NDUFA9: variants seen among roughly 807,000 people sequenced by gnomAD.
NDUFA9 encodes the protein NADH dehydrogenase [ubiquinone] 1 alpha subcomplex subunit 9, mitochondrial.
A neutral mutation model predicts 45.9 loss-of-function variants in NDUFA9; 23 were observed. That is an observed-to-expected ratio of 0.50 (90% CI 0.36 to 0.71). The LOEUF (loss-of-function observed/expected upper bound fraction) is 0.71, where lower values mean the gene tolerates loss of function less well. Among genes scored for constraint, NDUFA9 ranks in the 30% least tolerant of loss-of-function variants. The pLI is 0.00. For missense variants in NDUFA9, 466 were observed against 488.2 expected (o/e 0.95, Z 0.43); for synonymous variants, 176 against 170.5 (o/e 1.03, Z -0.25).
chr12:4,655,361 GC>G (rs34067320), intron 3 of NDUFA9: 2 of 155,568 alleles, frequency 1.3e-5, no homozygotes, highest in East Asian at 3.8e-4. Flanking sequence ...GTAGCCACTG[GC>G]CACATGTGGC....
intron 1 of NDUFA9, among the ~76,000 whole-genome samples, chr12:4,653,980 T>C (rs1945774388): frequency 6.6e-6 from 1 of 152,218 alleles, no homozygotes. Flanking sequence ...GCTCATTTAT[T>C]ACATATTCTC....
chr12:4,680,696 TGC>T (rs1945947361), intron 8 of NDUFA9, among the ~76,000 whole-genome samples: 1 of 152,200 alleles, frequency 6.6e-6, no homozygotes, highest in Non-Finnish European at 1.5e-5. Context: ...TGAAGAACCC[TGC>T]TAAGGCCTTT....
In NDUFA9 at chr12:4,691,936, G is replaced by A. The variant is rs528174116; in HGVS notation, c.*4828G>A. ...TGGAGCAAGGTGCCCACCAAAGTTA[G>A]GCACATCCCACAGCAAGTGGGAGAA... On this transcript the variant is annotated 3_prime_UTR_variant, in exon 11 of 11. Transcript: ENST00000266544. 5.3e-5 allele frequency: 8 copies of A among 152,178 alleles called. No individual in the cohort carries two copies. The highest frequency in any genetic ancestry group is 4.6e-4 in the Admixed American group (7 of 15,294). The allele number at this position is 152,178 out of a possible 1,614,324, so 9.4% of individuals were successfully genotyped here.
At chr12:4,682,486 A>G (rs558133642) in intron 9 of NDUFA9, among the ~76,000 whole-genome samples, 186 bp downstream of exon 9, 3 of 152,366 alleles carry the variant, frequency 2.0e-5, no homozygotes, top group South Asian at 4.1e-4. Flanking sequence ...ATATTGGAAC[A>G]TTAAATCTTC....
At chr12:4,686,735 C>T (rs367572576) in intron 10 of NDUFA9, among the ~76,000 whole-genome samples, 5 of 152,254 alleles carry the variant, frequency 3.3e-5, no homozygotes, top group East Asian at 1.9e-4. Flanking sequence ...TTGGTGATCT[C>T]GCCCTCTTTT....
At chr12:4,684,842 A>G (rs1374164487) in intron 9 of NDUFA9, 1 of 362,490 alleles carries the variant, frequency 2.8e-6, no homozygotes, top group East Asian at 4.1e-5. Context: ...CCCAGCTTTC[A>G]GGGGTTACGT....
intron 8 of NDUFA9, among the ~76,000 whole-genome samples, chr12:4,677,174 G>A (rs1012747485): frequency 1.3e-5 from 2 of 152,146 alleles, no homozygotes; most frequent in South Asian, 2.1e-4. Flanking sequence ...AGACTTAAAC[G>A]TAAGACCTAA....
rs117326516 is a variant in NDUFA9 at position 4,655,072 on chromosome 12, C to T, written c.318+150C>T. 6.4e-4 allele frequency: 388 copies of T among 606,616 alleles called. 5 individuals are homozygous for T. The South Asian group carries it at 8.3e-3, about 13-fold the overall frequency. 37.6% of individuals were successfully genotyped at this position (606,616 alleles called of 1,614,324 possible). On this transcript the variant is annotated intron_variant, in intron 3 of 10. Transcript: ENST00000266544. Reference sequence around the variant, plus strand: ...CCAGGTCATTCTTTCAGCTAGGTTCCGGCATCTCCTTTGTCATGCAAGCTC... The same window carrying T: ...CCAGGTCATTCTTTCAGCTAGGTTCTGGCATCTCCTTTGTCATGCAAGCTC...
rs1946017402 is a variant in NDUFA9, at chr12:4,691,294, C to T, written c.*4186C>T. The T allele has an allele frequency of 6.6e-6, 1 of 152,214 alleles. No individual in the cohort carries two copies. Among genetic ancestry groups the T allele is most frequent in the Non-Finnish European group, 1.5e-5 (1 of 68,046 alleles). The allele number at this position is 152,214 out of a possible 1,614,324, so 9.4% of individuals were successfully genotyped here. ...CCATTATCATTTAAGTAGGGAATAT[C>T]ATGCCCATCTGAGTCCATACATTTG... is the stretch of plus-strand genomic sequence containing the variant. On this transcript the variant is annotated 3_prime_UTR_variant, in exon 11 of 11. Transcript: ENST00000266544.
At chr12:4,659,772 G>A (rs1019205928) in intron 5 of NDUFA9, among the ~76,000 whole-genome samples, 4 of 152,110 alleles carry the variant, frequency 2.6e-5, no homozygotes, top group East Asian at 1.9e-4. Flanking sequence ...CTGGCCGTGC[G>A]CTTAACATTT....
chr12:4,689,299 A>ATTTTTTAT lies in NDUFA9; in HGVS notation c.*2204_*2211dup, dbSNP rs1844055517. On this transcript the variant is annotated 3_prime_UTR_variant, in exon 11 of 11. Transcript: ENST00000266544. ...ATGCTGTATATTTCTTTTATTTTTT[A>ATTTTTTAT]TTTTTTATTTTTTTATTTTTATTGA... 1.3e-5 allele frequency: 2 copies of ATTTTTTAT among 149,372 alleles called. No individual in the cohort carries two copies. Among genetic ancestry groups the ATTTTTTAT allele is most frequent in the South Asian group, 4.2e-4 (2 of 4,714 alleles). 9.3% of individuals were successfully genotyped at this position (149,372 alleles called of 1,614,324 possible). A position where few individuals can be genotyped will look rare whatever the true frequency, so the allele number is the denominator to read the frequency against.
chr12:4,678,330 A>T (rs4766271), intron 8 of NDUFA9, among the ~76,000 whole-genome samples: 10 of 151,948 alleles, frequency 6.6e-5, no homozygotes, highest in Admixed American at 5.9e-4. Flanking sequence ...TAAATAAAAG[A>T]GTTATAAAAC....
chr12:4,666,932 T>C (rs1565568237), intron 6 of NDUFA9, among the ~76,000 whole-genome samples: 1 of 152,238 alleles, frequency 6.6e-6, no homozygotes, highest in Non-Finnish European at 1.5e-5. Context: ...ATTGGGATTT[T>C]GATAGGGATT....
At chr12:4,676,980 G>C (rs1185686592) in intron 8 of NDUFA9, among the ~76,000 whole-genome samples, 1 of 152,028 alleles carries the variant, frequency 6.6e-6, no homozygotes, top group Non-Finnish European at 1.5e-5. Flanking sequence ...AGAACAGAGG[G>C]CTCAGAAATA....
At chr12:4,685,377 C>G (rs1429706467) in intron 10 of NDUFA9, 52 bp downstream of exon 10, 2 of 1,521,750 alleles carry the variant, frequency 1.3e-6, no homozygotes, top group Non-Finnish European at 1.8e-6. Context: ...AGGCGTTAGA[C>G]TTATTTTGCT....
intron 8 of NDUFA9, among the ~76,000 whole-genome samples, chr12:4,673,150 C>T (rs1478195496): frequency 2.0e-5 from 3 of 152,296 alleles, no homozygotes; most frequent in African/African-American, 2.4e-5. Context: ...GGAAAACTAA[C>T]AAACAGAAAA....
rs4147696 is a variant in NDUFA9, at chr12:4,687,787, T to A, written c.*679T>A. The A allele has an allele frequency of 6.6e-6, 1 of 152,042 alleles. No homozygotes were observed. Among genetic ancestry groups the A allele is most frequent in the Non-Finnish European group, 1.5e-5 (1 of 68,044 alleles). The allele number at this position is 152,042 out of a possible 1,614,324, so 9.4% of individuals were successfully genotyped here. On this transcript the variant is annotated 3_prime_UTR_variant, in exon 11 of 11. Transcript: ENST00000266544. Reference sequence around the variant, plus strand: ...CAGCAGTGCCAGCACTTAGGAATTATGACCTTCTAATGAAGTTCTTAAAAT... The same window carrying A: ...CAGCAGTGCCAGCACTTAGGAATTAAGACCTTCTAATGAAGTTCTTAAAAT...
At chr12:4,664,640 A>G (rs1001724315) in intron 6 of NDUFA9, among the ~76,000 whole-genome samples, 2 of 151,974 alleles carry the variant, frequency 1.3e-5, no homozygotes, top group Non-Finnish European at 2.9e-5. Context: ...TGAGGTGTTG[A>G]CCCTCTGCCC....
chr12:4,672,261 C>A (rs755416059), intron 8 of NDUFA9, among the ~76,000 whole-genome samples: 3 of 152,354 alleles, frequency 2.0e-5, no homozygotes, highest in Non-Finnish European at 4.4e-5. Flanking sequence ...CACTAAGGTG[C>A]CCATGCCACC....
Sources: gnomAD v4.1 joint callset for allele counts (sites outside exome capture counted in the v4.1 genomes callset) on GRCh38, gnomAD v4.1.1 for gene constraint, MANE v1.5 for transcripts, NCBI Gene and HGNC (gene_info 2026-07-23, HGNC 2026-07-21) for gene names.